TSPAN12: variants seen among roughly 807,000 people sequenced by gnomAD.
The protein encoded by TSPAN12 is tetraspanin 12, also known as tetraspanin-12.
In TSPAN12, 19 loss-of-function variants were observed where a neutral mutation model predicts 39.2. The observed-to-expected ratio is 0.49, with a 90% CI of 0.34 to 0.71. The LOEUF is 0.71. Among genes scored for constraint, TSPAN12 ranks in the 30% least tolerant of loss-of-function variants. TSPAN12 has a pLI of 0.01. For missense variants in TSPAN12, 314 were observed against 359.9 expected, an observed-to-expected ratio of 0.87 and a Z score of 1.03; for synonymous variants, 119 against 124.8, an observed-to-expected ratio of 0.95 and a Z score of 0.31.
Position 120,788,698 on chromosome 7 carries a change from AG to A in TSPAN12, c.811del (p.Leu271CysfsTer6). 6.2e-7 allele frequency: 1 copy of A among 1,614,160 alleles called. No homozygotes were observed. Among genetic ancestry groups the A allele is most frequent in the Non-Finnish European group, 8.5e-7 (1 of 1,180,010 alleles). ...CAACAGTTCTACTGAGGGACATGAC[AG>A]GTGCTGAGAGTTGTCATTCTTCAAG... is the stretch of plus-strand genomic sequence containing the variant. ...MSLKNDNSQH[L>X]SCPSVELLKP... On this transcript the variant is annotated frameshift_variant, in exon 8 of 8. Transcript: ENST00000222747. LOFTEE classifies it high-confidence loss of function.
At chr7:120,851,241 C>T (rs892236289) in intron 2 of TSPAN12, among the ~76,000 whole-genome samples, 3 of 152,260 alleles carry the variant, frequency 2.0e-5, no homozygotes, top group East Asian at 1.9e-4. Context: ...AGGTTCACTA[C>T]GGATGGCCAG....
At chr7:120,794,460 A>T (rs903750799) in intron 7 of TSPAN12, among the ~76,000 whole-genome samples, 2 of 152,036 alleles carry the variant, frequency 1.3e-5, no homozygotes, top group African/African-American at 4.8e-5. Context: ...TGTTTCTTTA[A>T]AAGTGTGTAG....
intron 7 of TSPAN12, among the ~76,000 whole-genome samples, chr7:120,801,701 T>G (rs891887145): frequency 6.6e-6 from 1 of 152,216 alleles, no homozygotes; most frequent in African/African-American, 2.4e-5. Context: ...GCCTGTTTAC[T>G]TCCATTTATT....
intron 5 of TSPAN12, among the ~76,000 whole-genome samples, chr7:120,813,638 T>C (rs1794024157): frequency 6.6e-6 from 1 of 152,194 alleles, no homozygotes; most frequent in African/African-American, 2.4e-5. Context: ...AACAAATTGC[T>C]AAAACCCTTT....
At chr7:120,840,531 C>A (rs1171041902) in intron 2 of TSPAN12, among the ~76,000 whole-genome samples, 1 of 152,070 alleles carries the variant, frequency 6.6e-6, no homozygotes, top group Non-Finnish European at 1.5e-5. Context: ...CTTCTATTGG[C>A]TAAAATTCAA....
chr7:120,857,573 C>A (rs1794898549), intron 1 of TSPAN12, among the ~76,000 whole-genome samples: 1 of 152,064 alleles, frequency 6.6e-6, no homozygotes, highest in Admixed American at 6.5e-5. Flanking sequence ...GTCATTCAAA[C>A]CCCGCTTCCC....
intron 4 of TSPAN12, among the ~76,000 whole-genome samples, chr7:120,816,770 G>T (rs1794092172): frequency 6.6e-6 from 1 of 152,106 alleles, no homozygotes; most frequent in Admixed American, 6.6e-5. Context: ...TAAAATAAAG[G>T]CAAAGTTCTC....
chr7:120,800,387 A>C (rs1457458778), intron 7 of TSPAN12, among the ~76,000 whole-genome samples: 1 of 152,156 alleles, frequency 6.6e-6, no homozygotes, highest in Non-Finnish European at 1.5e-5. Context: ...TTTTAGCAAG[A>C]ATCTTGGTAA....
chr7:120,848,083 CA>C (rs1477158568), intron 2 of TSPAN12, among the ~76,000 whole-genome samples: 1 of 152,202 alleles, frequency 6.6e-6, no homozygotes, highest in African/African-American at 2.4e-5. Context: ...TTCACTCCTG[CA>C]GTGCCTTCTG....
chr7:120,810,623 T>TTC (rs1333573610), intron 5 of TSPAN12, 53 bp from the exon 6 acceptor site: 11 of 771,000 alleles, frequency 1.4e-5, no homozygotes, highest in Middle Eastern at 4.5e-4. Flanking sequence ...CAGACACAGA[T>TTC]TCACACACAC....
chr7:120,801,811 A>T (rs531408981), intron 7 of TSPAN12, among the ~76,000 whole-genome samples: 1 of 152,280 alleles, frequency 6.6e-6, no homozygotes, highest in South Asian at 2.1e-4. Context: ...TGCTGCAACT[A>T]TTCTTTACAA....
chr7:120,822,053 G>A (rs1021908091), intron 4 of TSPAN12, among the ~76,000 whole-genome samples: 3 of 152,080 alleles, frequency 2.0e-5, no homozygotes, highest in Non-Finnish European at 4.4e-5. Flanking sequence ...TAAACAAACT[G>A]AGGTTGGTCA....
At chr7:120,794,290 A>G (rs1215586756) in intron 7 of TSPAN12, among the ~76,000 whole-genome samples, 1 of 152,186 alleles carries the variant, frequency 6.6e-6, no homozygotes, top group Non-Finnish European at 1.5e-5. Flanking sequence ...TGCAGCAGAC[A>G]GGCGTTGATA....
chr7:120,834,891 T>C (rs562659235), intron 4 of TSPAN12, among the ~76,000 whole-genome samples: 1 of 152,330 alleles, frequency 6.6e-6, no homozygotes, highest in Non-Finnish European at 1.5e-5. Context: ...TGTCGCATTC[T>C]GCACTATTTT....
intron 4 of TSPAN12, among the ~76,000 whole-genome samples, chr7:120,828,485 C>A (rs1794330247): frequency 6.6e-6 from 1 of 152,078 alleles, no homozygotes; most frequent in Admixed American, 6.6e-5. Context: ...TTCCTTCCAC[C>A]AGCCTTTGGG....
chr7:120,795,942 T>C (rs1793620042), intron 7 of TSPAN12, among the ~76,000 whole-genome samples: 1 of 152,216 alleles, frequency 6.6e-6, no homozygotes, highest in Non-Finnish European at 1.5e-5. Flanking sequence ...TAGAAAAAAG[T>C]CATCTTATTA....
chr7:120,847,688 A>G (rs533709799), intron 2 of TSPAN12, among the ~76,000 whole-genome samples: 26 of 152,278 alleles, frequency 1.7e-4, no homozygotes, highest in African/African-American at 6.0e-4. Context: ...CTTTTCTGCC[A>G]CAACTGGCTA....
chr7:120,797,089 G>A (rs553121339), intron 7 of TSPAN12, among the ~76,000 whole-genome samples: 71 of 152,268 alleles, frequency 4.7e-4, no homozygotes, highest in African/African-American at 1.5e-3. Context: ...CCTGAGAGGC[G>A]GAGCTTGCAG....
At chr7:120,812,631 C>G (rs929748970) in intron 5 of TSPAN12, among the ~76,000 whole-genome samples, 1 of 151,986 alleles carries the variant, frequency 6.6e-6, no homozygotes, top group African/African-American at 2.4e-5. Flanking sequence ...ATAAAACATC[C>G]AAACACTTGG....
Sources: gnomAD v4.1 joint callset for allele counts (sites outside exome capture counted in the v4.1 genomes callset) on GRCh38, gnomAD v4.1.1 for gene constraint, MANE v1.5 for transcripts, NCBI Gene and HGNC (gene_info 2026-07-23, HGNC 2026-07-21) for gene names.